Variants in SLC4A8 observed in about 807,000 individuals in gnomAD.
SLC4A8 encodes the protein solute carrier family 4 member 8.
In SLC4A8, 40 loss-of-function variants were observed where a neutral mutation model predicts 125.0. That is an observed-to-expected ratio of 0.32 (90% CI 0.25 to 0.42). The LOEUF is 0.42. Ranked by LOEUF, SLC4A8 falls within the 10% of genes least tolerant of loss-of-function variation. The pLI, the probability that SLC4A8 is intolerant of heterozygous loss-of-function variation, is 1.00. For synonymous variants in SLC4A8, 456 were observed against 476.0 expected (o/e 0.96, Z 0.55); for missense variants, 863 against 1,355.1 (o/e 0.64, Z 5.70).
Position 51,475,142 on chromosome 12 carries a change from T to G in SLC4A8, c.2108T>G (p.Phe703Cys). 6.2e-7 allele frequency: 1 copy of G among 1,614,222 alleles called. No individual in the cohort carries two copies. Among genetic ancestry groups the G allele is most frequent in the East Asian group, 2.2e-5 (1 of 44,894 alleles). ...CTCTTTTGGTCCTGTATTCTCTTTT[T>G]CACCACCTTCATCCTCTCAAGCACC... is the stretch of plus-strand genomic sequence containing the variant. ...DVLFWSCILF[F>C]TTFILSSTLK... Residue 703 changes from phenylalanine to cysteine, a missense_variant, in exon 16 of 25, where the codon TTC (phenylalanine) becomes TGC (cysteine). This residue lies in a region of SLC4A8 where 197 missense variants were observed against 377.7 expected (regional missense o/e 0.52). Transcript: ENST00000453097.
intron 11 of SLC4A8, among the ~76,000 whole-genome samples, chr12:51,465,737 A>G (rs1350859909): frequency 6.6e-6 from 1 of 152,300 alleles, no homozygotes; most frequent in East Asian, 1.9e-4. Context: ...CTCAAGCCAT[A>G]TGACCTTCCT....
chr12:51,498,552 AG>A (rs1937675204), intron 22 of SLC4A8, among the ~76,000 whole-genome samples: 1 of 151,680 alleles, frequency 6.6e-6, no homozygotes, highest in East Asian at 1.9e-4. Flanking sequence ...AGTGTTGGCA[AG>A]ACTGTAATTG....
intron 16 of SLC4A8, among the ~76,000 whole-genome samples, chr12:51,475,635 A>G (rs151243810): frequency 6.6e-6 from 1 of 152,206 alleles, no homozygotes. Flanking sequence ...TTAATAGCTT[A>G]TGAAATCACT....
chr12:51,447,780 G>A (rs996224597), intron 2 of SLC4A8, among the ~76,000 whole-genome samples: 4 of 148,534 alleles, frequency 2.7e-5, no homozygotes, highest in African/African-American at 7.5e-5. Flanking sequence ...GCAGTGGCGC[G>A]ATCTCTGCTC....
Position 51,510,802 on chromosome 12 carries a change from A to G in SLC4A8, c.*3364A>G, listed in dbSNP as rs1489792583. Reference sequence around the variant, plus strand: ...TCTTAACGGCAAGTGCTCACGGGGCATGGGTGATTTTGTCTAGTCTGGTCC... The same window carrying G: ...TCTTAACGGCAAGTGCTCACGGGGCGTGGGTGATTTTGTCTAGTCTGGTCC... On this transcript the variant is annotated 3_prime_UTR_variant, in exon 25 of 25. Coordinates refer to ENST00000453097, the MANE Select transcript of SLC4A8 (RefSeq NM_001039960.3). 6.6e-6 allele frequency: 1 copy of G among 151,942 alleles called. No individual in the cohort carries two copies. The highest frequency in any genetic ancestry group is 1.5e-5 in the Non-Finnish European group (1 of 68,030). 9.4% of individuals were successfully genotyped at this position (151,942 alleles called of 1,614,324 possible). A position where few individuals can be genotyped will look rare whatever the true frequency, so the allele number is the denominator to read the frequency against.
chr12:51,496,958 A>C (rs1951476276), intron 21 of SLC4A8, 29 bp from the exon 22 acceptor site: 2 of 1,609,176 alleles, frequency 1.2e-6, no homozygotes, highest in African/African-American at 2.7e-5. Flanking sequence ...AGTCCCTTTA[A>C]TTCACTTTTT....
At chr12:51,453,973 A>T (rs1421318430) in intron 5 of SLC4A8, among the ~76,000 whole-genome samples, 1 of 152,170 alleles carries the variant, frequency 6.6e-6, no homozygotes, top group Non-Finnish European at 1.5e-5. Flanking sequence ...TATCTGCTAT[A>T]TACTTGATAA....
intron 18 of SLC4A8, among the ~76,000 whole-genome samples, chr12:51,489,248 G>A (rs912359342): frequency 2.0e-5 from 3 of 152,138 alleles, no homozygotes; most frequent in Non-Finnish European, 4.4e-5. Flanking sequence ...TTTCTAGGCC[G>A]AAACTGGAAC....
intron 19 of SLC4A8, among the ~76,000 whole-genome samples, chr12:51,492,418 C>T (rs1464731413): frequency 1.3e-5 from 2 of 152,148 alleles, no homozygotes; most frequent in Non-Finnish European, 2.9e-5. Context: ...ACCCCTTTCC[C>T]ACCTCATATT....
At position 51,507,469 on chromosome 12, in the gene SLC4A8, G is replaced by T; in HGVS notation, c.*31G>T. ...TTTGCTGGGATGGAAGATTTGGGCC[G>T]TGTGGTGCCTCAGGGAAGTTCTGGT... is the stretch of plus-strand genomic sequence containing the variant. On this transcript the variant is annotated 3_prime_UTR_variant, in exon 25 of 25. Transcript: ENST00000453097. The T allele has an allele frequency of 2.2e-6, 3 of 1,374,162 alleles. No individual in the cohort carries two copies. Among genetic ancestry groups the T allele is most frequent in the Non-Finnish European group, 2.8e-6 (3 of 1,055,124 alleles). 85.1% of individuals were successfully genotyped at this position (1,374,162 alleles called of 1,614,324 possible).
intron 1 of SLC4A8, among the ~76,000 whole-genome samples, chr12:51,397,278 A>G (rs1032328353): frequency 6.6e-6 from 1 of 152,240 alleles, no homozygotes; most frequent in Non-Finnish European, 1.5e-5. Context: ...GGTCAAGGGA[A>G]ACTGTCAAAC....
chr12:51,497,038 C>G lies in SLC4A8; in HGVS notation c.2995C>G (p.Arg999Gly). Residue 999 changes from arginine (R) to glycine (G), a missense_variant, in exon 22 of 25, where the codon CGA (arginine) becomes GGA (glycine). By Grantham distance (125) the Arg-to-Gly change is moderately radical. Around this residue, in one of 6 missense-constraint regions of SLC4A8, gnomAD observed 92 missense variants for 125.6 expected, o/e 0.73. Transcript: ENST00000453097. Reference protein sequence around the residue: ...RKVMDLCFSKRELSWLDDLMP... With the variant: ...RKVMDLCFSKGELSWLDDLMP... Reference sequence around the variant, plus strand: ...AGTCATGGATCTCTGTTTCTCTAAGCGAGAGCTGAGCTGGCTAGATGATCT... The same window carrying G: ...AGTCATGGATCTCTGTTTCTCTAAGGGAGAGCTGAGCTGGCTAGATGATCT... 6.2e-7 allele frequency: 1 copy of G among 1,613,744 alleles called. No homozygotes were observed. Among genetic ancestry groups the G allele is most frequent in the Non-Finnish European group, 8.5e-7 (1 of 1,179,908 alleles).
At chr12:51,446,284 C>T (rs1949771756) in intron 2 of SLC4A8, among the ~76,000 whole-genome samples, 1 of 152,184 alleles carries the variant, frequency 6.6e-6, no homozygotes, top group African/African-American at 2.4e-5. Flanking sequence ...GTAAGAAGTG[C>T]GATTCCACCA....
At chr12:51,440,635 C>T (rs1949566127) in intron 1 of SLC4A8, 73 bp from the exon 2 acceptor site, 1 of 1,121,716 alleles carries the variant, frequency 8.9e-7, no homozygotes, top group Non-Finnish European at 1.3e-6. Context: ...TCAAAAGGAT[C>T]TGGCATACAC....
At chr12:51,439,113 A>G (rs1006014715) in intron 1 of SLC4A8, among the ~76,000 whole-genome samples, 14 of 152,032 alleles carry the variant, frequency 9.2e-5, no homozygotes, top group Admixed American at 6.6e-4. Flanking sequence ...CTGGAGTACA[A>G]TGGTGCGATC....
chr12:51,417,856 T>G (rs889553237), intron 1 of SLC4A8, among the ~76,000 whole-genome samples: 2 of 152,184 alleles, frequency 1.3e-5, no homozygotes, highest in Non-Finnish European at 2.9e-5. Context: ...TTTGCCACGT[T>G]GGCCAAGCTG....
intron 2 of SLC4A8, among the ~76,000 whole-genome samples, chr12:51,447,603 G>A (rs1469533719): frequency 1.3e-5 from 2 of 152,048 alleles, no homozygotes; most frequent in African/African-American, 4.8e-5. Flanking sequence ...GCCATGAAGA[G>A]GAGATGGAGT....
At chr12:51,419,925 C>A (rs962796041), upstream of SLC4A8, among the ~76,000 whole-genome samples, 1 of 152,202 alleles carries the variant, frequency 6.6e-6, no homozygotes, top group Non-Finnish European at 1.5e-5. Context: ...TGTGGCGCCT[C>A]AGACTCTTCC....
chr12:51,495,253 A>G (rs1047071093), intron 21 of SLC4A8, 135 bp downstream of exon 21: 18 of 700,876 alleles, frequency 2.6e-5, no homozygotes, highest in Non-Finnish European at 3.4e-5. Context: ...CTGTGGAGCT[A>G]TTACCACCCT....
Sources: allele counts gnomAD v4.1 joint callset (sites outside exome capture counted in the v4.1 genomes callset), GRCh38; gene constraint gnomAD v4.1.1; regional missense constraint gnomAD v4.1.1; transcripts MANE v1.5; gene names NCBI Gene and HGNC (gene_info 2026-07-23, HGNC 2026-07-21).